CPB2: variants seen among roughly 807,000 people sequenced by gnomAD.
CPB2 encodes the protein carboxypeptidase B-like protein.
A neutral mutation model predicts 57.0 loss-of-function variants in CPB2; 54 were observed. That is an observed-to-expected ratio of 0.95 (90% confidence interval 0.76 to 1.19). The LOEUF (loss-of-function observed/expected upper bound fraction) is 1.19. CPB2 is among the 50% of genes most tolerant of loss of function. CPB2 has a pLI of 0.00. For missense variants in CPB2, 426 were observed against 512.0 expected (o/e 0.83, Z 1.62); for synonymous variants, 189 against 178.1 (o/e 1.06, Z -0.49).
chr13:46,103,295 G>A (rs17844157), intron 1 of CPB2, among the ~76,000 whole-genome samples: 4,902 of 152,340 alleles, frequency 0.032, 255 homozygotes, highest in African/African-American at 0.11. Flanking sequence ...GATTAGATCT[G>A]CTAGTGGGTG....
At chr13:46,095,223 A>G (rs2045348526) in intron 1 of CPB2, among the ~76,000 whole-genome samples, 1 of 152,142 alleles carries the variant, frequency 6.6e-6, no homozygotes, top group Non-Finnish European at 1.5e-5. Context: ...CAGAACCTCC[A>G]CATTGTTTCC....
intron 1 of CPB2, among the ~76,000 whole-genome samples, chr13:46,102,256 C>G (rs1295153850): frequency 6.6e-6 from 1 of 152,212 alleles, no homozygotes; most frequent in Non-Finnish European, 1.5e-5. Context: ...TCTGGGCTGG[C>G]AGGCTGCATT....
chr13:46,093,863 G>C (rs2045329185), intron 1 of CPB2, among the ~76,000 whole-genome samples: 1 of 152,100 alleles, frequency 6.6e-6, no homozygotes, highest in African/African-American at 2.4e-5. Flanking sequence ...TATACCCAGG[G>C]AGGTATAACT....
At chr13:46,079,267 T>A (rs1262347558) in intron 4 of CPB2, among the ~76,000 whole-genome samples, 1 of 152,116 alleles carries the variant, frequency 6.6e-6, no homozygotes, top group Non-Finnish European at 1.5e-5. Flanking sequence ...TATATGAGAC[T>A]TTTTTAAAAA....
intron 9 of CPB2, among the ~76,000 whole-genome samples, chr13:46,057,058 A>C (rs2044707260): frequency 6.6e-6 from 1 of 152,120 alleles, no homozygotes; most frequent in African/African-American, 2.4e-5. Flanking sequence ...CATTCTCTTA[A>C]AGGGCAGGAT....
intron 2 of CPB2, among the ~76,000 whole-genome samples, chr13:46,084,687 T>G (rs959621680): frequency 1.3e-5 from 2 of 151,986 alleles, no homozygotes; most frequent in Admixed American, 1.3e-4. Flanking sequence ...GGAAACAAAA[T>G]TTTTTCTAGA....
At chr13:46,090,328 T>C (rs922022945) in intron 1 of CPB2, among the ~76,000 whole-genome samples, 2 of 151,804 alleles carry the variant, frequency 1.3e-5, no homozygotes, top group African/African-American at 4.8e-5. Context: ...GTGTCATTAT[T>C]AATAAATACA....
chr13:46,061,984 G>A (rs568472503), intron 8 of CPB2, among the ~76,000 whole-genome samples: 2 of 149,736 alleles, frequency 1.3e-5, no homozygotes, highest in South Asian at 4.2e-4. Flanking sequence ...TACTGGAACA[G>A]TTGGTAATAA....
chr13:46,073,507 A>T, intron 6 of CPB2: 1 of 981,182 alleles, frequency 1.0e-6, no homozygotes, highest in Non-Finnish European at 1.2e-6. Flanking sequence ...AGATGTCTGG[A>T]TAATTAAAAC....
At chr13:46,058,113 AT>A (rs1415543530) in intron 9 of CPB2, 65 bp downstream of exon 9, 1 of 1,473,074 alleles carries the variant, frequency 6.8e-7, no homozygotes, top group Non-Finnish European at 9.3e-7. Context: ...CCAGTTTTTG[AT>A]TCTTCAACTA....
chr13:46,084,484 G>T, intron 2 of CPB2, 141 bp from the exon 3 acceptor site: 1 of 750,682 alleles, frequency 1.3e-6, no homozygotes, highest in Non-Finnish European at 2.0e-6. Context: ...CCACACACAT[G>T]GTAATATAAA....
chr13:46,069,791 T>C (rs1433179397), intron 6 of CPB2, among the ~76,000 whole-genome samples: 1 of 152,216 alleles, frequency 6.6e-6, no homozygotes, highest in East Asian at 1.9e-4. Context: ...TTATGAATAA[T>C]ATTGCTATAA....
At chr13:46,056,407 C>T (rs1436000812) in intron 9 of CPB2, among the ~76,000 whole-genome samples, 1 of 152,148 alleles carries the variant, frequency 6.6e-6, no homozygotes, top group Non-Finnish European at 1.5e-5. Context: ...CATTTGACTT[C>T]ATTTTGTCTG....
At chr13:46,055,621 T>C (rs1282032294) in intron 10 of CPB2, 141 bp downstream of exon 10, 6 of 450,158 alleles carry the variant, frequency 1.3e-5, no homozygotes, top group Non-Finnish European at 2.0e-5. Context: ...CTATTATGCT[T>C]CTGTTCCTAA....
chr13:46,079,601 A>T (rs1294934024), intron 4 of CPB2, among the ~76,000 whole-genome samples: 1 of 151,778 alleles, frequency 6.6e-6, no homozygotes, highest in Admixed American at 6.6e-5. Context: ...GCTAGCACCC[A>T]CTTCAAAGCA....
chr13:46,087,656 T>C, intron 2 of CPB2, 89 bp downstream of exon 2: 2 of 834,904 alleles, frequency 2.4e-6, no homozygotes, highest in Non-Finnish European at 4.0e-6. Context: ...ACCAGATACA[T>C]GTAAGCCAGA....
chr13:46,090,925 T>C (rs7994803), intron 1 of CPB2, among the ~76,000 whole-genome samples: 116,816 of 151,268 alleles, frequency 0.77, 45,142 homozygotes, highest in East Asian at 0.82. Flanking sequence ...TGGGTTTCAC[T>C]ATGTTGGTCA....
At chr13:46,068,649 C>T (rs903801051) in intron 6 of CPB2, among the ~76,000 whole-genome samples, 18 of 152,064 alleles carry the variant, frequency 1.2e-4, no homozygotes, top group Non-Finnish European at 2.2e-4. Context: ...CCCATCAACC[C>T]GTCATCTACA....
chr13:46,057,763 G>A (rs548758906), intron 9 of CPB2, among the ~76,000 whole-genome samples: 6 of 152,268 alleles, frequency 3.9e-5, no homozygotes, highest in African/African-American at 1.4e-4. Flanking sequence ...AATTCCTGCT[G>A]CTAATACCAA....
Sources: allele counts gnomAD v4.1 joint callset (sites outside exome capture counted in the v4.1 genomes callset), GRCh38; gene constraint gnomAD v4.1.1; transcripts MANE v1.5; gene names NCBI Gene and HGNC (gene_info 2026-07-23, HGNC 2026-07-21).